NCALD: variants seen among roughly 807,000 people sequenced by gnomAD.
The protein encoded by NCALD is neurocalcin-delta.
Under a neutral mutation model 18.6 loss-of-function variants are expected in NCALD, and 10 were observed. That is an observed-to-expected ratio of 0.54 (90% confidence interval 0.33 to 0.91). The LOEUF is 0.91. Ranked by LOEUF, NCALD falls within the 40% of genes least tolerant of loss-of-function variation. The pLI is 0.03. For missense variants in NCALD, 184 were observed against 247.6 expected (o/e 0.74, Z 1.72); for synonymous variants, 88 against 87.4 (o/e 1.01, Z -0.04).
chr8:102,008,184 G>T (rs1262153447), intron 2 of NCALD, among the ~76,000 whole-genome samples: 1 of 152,112 alleles, frequency 6.6e-6, no homozygotes, highest in Admixed American at 6.6e-5. Flanking sequence ...AGTCACTGAG[G>T]ATCCAAAAAT....
At chr8:101,742,090 G>GA (rs35753528) in intron 1 of NCALD, among the ~76,000 whole-genome samples, 5,670 of 147,060 alleles carry the variant, frequency 0.039, 256 homozygotes, top group African/African-American at 0.1. Context: ...TGTCTCTACT[G>GA]AAAAAAAAAA....
At chr8:102,070,302 CATAT>C (rs1824140733) in intron 1 of NCALD, among the ~76,000 whole-genome samples, 2 of 152,078 alleles carry the variant, frequency 1.3e-5, no homozygotes, top group South Asian at 2.1e-4. Context: ...AAAAGAACGA[CATAT>C]ATAAAGTATT....
At chr8:101,799,468 A>G (rs1232259234) in intron 4 of NCALD, among the ~76,000 whole-genome samples, 1 of 152,216 alleles carries the variant, frequency 6.6e-6, no homozygotes, top group Non-Finnish European at 1.5e-5. Context: ...AAAAACCTGA[A>G]CCTGCTTGCT....
intron 2 of NCALD, among the ~76,000 whole-genome samples, chr8:101,916,783 A>T (rs1240273536): frequency 6.6e-6 from 1 of 152,064 alleles, no homozygotes; most frequent in Admixed American, 6.6e-5. Context: ...AATGATAAAA[A>T]GTTCAATTAA....
intron 4 of NCALD, among the ~76,000 whole-genome samples, chr8:101,797,249 A>G (rs1812671429): frequency 6.6e-6 from 1 of 152,262 alleles, no homozygotes; most frequent in Admixed American, 6.5e-5. Context: ...ACGCAAAACA[A>G]CAAATTTAAA....
At chr8:102,094,212 A>G (rs1027426388) in intron 1 of NCALD, among the ~76,000 whole-genome samples, 2 of 152,226 alleles carry the variant, frequency 1.3e-5, no homozygotes, top group African/African-American at 4.8e-5. Context: ...TCTAAATTCT[A>G]TTAAGAATAC....
chr8:101,859,229 G>C (rs1441427259), intron 4 of NCALD, among the ~76,000 whole-genome samples: 1 of 152,158 alleles, frequency 6.6e-6, no homozygotes, highest in Non-Finnish European at 1.5e-5. Context: ...CAGACTTCAA[G>C]TTGTTCAGCT....
intron 1 of NCALD, among the ~76,000 whole-genome samples, chr8:101,777,824 T>C (rs1249119168): frequency 6.6e-6 from 1 of 152,100 alleles, no homozygotes; most frequent in Non-Finnish European, 1.5e-5. Context: ...AAAGTTACCA[T>C]CAGCAGACAG....
intron 2 of NCALD, among the ~76,000 whole-genome samples, chr8:101,977,383 TAAGAG>T (rs1244972158): frequency 6.6e-6 from 1 of 152,226 alleles, no homozygotes; most frequent in African/African-American, 2.4e-5. Flanking sequence ...AAAAGTATTC[TAAGAG>T]AATTGGGAGA....
rs1455867981 is a variant in NCALD, at chr8:101,689,628, G to A, written c.485-222C>T. Among the ~76,000 whole-genome samples, 7 of 152,256 alleles carry A rather than the reference G, an allele frequency of 4.6e-5. No homozygotes were observed. The highest frequency in any genetic ancestry group is 8.8e-5 in the Non-Finnish European group (6 of 68,046). On this transcript the variant is annotated intron_variant, in intron 3 of 3. Coordinates refer to ENST00000220931, the MANE Select transcript of NCALD (RefSeq NM_032041.3). The surrounding 1 kb of genome is among the most constrained non-coding windows in gnomAD (Gnocchi z 4.4). ...TGCCAGCACTTAGGACAGTACATGT[G>A]GCAATCAAACGCCGCTGCCTGAGAG...
At chr8:101,691,411 C>T (rs775281183) in intron 3 of NCALD, 9 of 985,168 alleles carry the variant, frequency 9.1e-6, no homozygotes, top group Non-Finnish European at 1.1e-5. Context: ...GTGGAAAGAC[C>T]CTAATTCATT....
At chr8:101,735,596 T>C (rs1204383496) in intron 1 of NCALD, among the ~76,000 whole-genome samples, 4 of 152,236 alleles carry the variant, frequency 2.6e-5, no homozygotes, top group Non-Finnish European at 4.4e-5. Flanking sequence ...TCCCAAATGT[T>C]GATGGGCATA....
intron 4 of NCALD, among the ~76,000 whole-genome samples, chr8:101,826,777 C>T (rs1481760884): frequency 2.6e-5 from 4 of 152,158 alleles, no homozygotes; most frequent in South Asian, 2.1e-4. Flanking sequence ...CTTAACAATT[C>T]GGCAGGCATT....
chr8:102,077,083 C>A (rs1824371384), intron 1 of NCALD, among the ~76,000 whole-genome samples: 1 of 152,300 alleles, frequency 6.6e-6, no homozygotes, highest in East Asian at 1.9e-4. Context: ...TCACATAACT[C>A]CCCAAATTAA....
chr8:101,917,826 TA>T, intron 2 of NCALD, among the ~76,000 whole-genome samples: 1 of 151,964 alleles, frequency 6.6e-6, no homozygotes, highest in East Asian at 1.9e-4. Flanking sequence ...CTTGAAGCAA[TA>T]ATTTTTTAAA....
chr8:101,930,306 T>C (rs1212634882), intron 2 of NCALD, among the ~76,000 whole-genome samples: 1 of 152,130 alleles, frequency 6.6e-6, no homozygotes, highest in African/African-American at 2.4e-5. Flanking sequence ...TCAGCTTCCC[T>C]TTAGTCTGAT....
At chr8:102,015,988 C>T (rs1260889884) in intron 2 of NCALD, among the ~76,000 whole-genome samples, 1 of 152,084 alleles carries the variant, frequency 6.6e-6, no homozygotes, top group Non-Finnish European at 1.5e-5. Context: ...TTTAGTAGGG[C>T]ACAGGCAAGA....
intron 4 of NCALD, among the ~76,000 whole-genome samples, chr8:101,848,311 G>C (rs1401666265): frequency 6.6e-6 from 1 of 152,126 alleles, no homozygotes; most frequent in Non-Finnish European, 1.5e-5. Context: ...GGAAGGGAAA[G>C]GTGGAAAGTG....
intron 1 of NCALD, among the ~76,000 whole-genome samples, chr8:102,057,257 T>TACAC (rs3085988): frequency 0.055 from 8,079 of 147,576 alleles, 256 homozygotes; most frequent in Admixed American, 0.096. Flanking sequence ...GGCTAGTTCA[T>TACAC]ACACACACAC....
Sources: gnomAD v4.1 joint callset for allele counts (sites outside exome capture counted in the v4.1 genomes callset) on GRCh38, gnomAD v4.1.1 for gene constraint, Gnocchi (gnomAD v3.1) non-coding constraint, MANE v1.5 for transcripts, NCBI Gene and HGNC (gene_info 2026-07-23, HGNC 2026-07-21) for gene names.